The following FER variants were observed in gnomAD, a reference collection of about 807,000 sequenced individuals.
The protein encoded by FER is FER tyrosine kinase, also known as tyrosine-protein kinase Fer.
A neutral mutation model predicts 111.0 loss-of-function variants in FER; 63 were observed. The ratio of observed to expected loss-of-function variants is 0.57; its 90% CI spans 0.46 to 0.70. FER has a LOEUF of 0.70. FER is among the 30% of genes least tolerant of loss of function. The pLI is 0.00. For missense variants in FER, 914 were observed against 954.0 expected, an observed-to-expected ratio of 0.96 and a Z score of 0.55; for synonymous variants, 327 against 313.9, an observed-to-expected ratio of 1.04 and a Z score of -0.44.
rs1018854695 is a variant in FER, at chr5:108,924,456, C to T, written c.1237-21674C>T. 9.5e-6 allele frequency: 4 copies of T among 422,004 alleles called. No homozygotes were observed. The East Asian group carries it at 1.3e-4, about 14-fold the overall frequency. The allele number at this position is 422,004 out of a possible 1,614,324, so 26.1% of individuals were successfully genotyped here. A position where few individuals can be genotyped will look rare whatever the true frequency, so the allele number is the denominator to read the frequency against. Reference sequence around the variant, plus strand: ...GTACAAGGATTTTCCGTTTGTTGCTCGAAAACGCAACATTTGTTGGCTGTA... The same window carrying T: ...GTACAAGGATTTTCCGTTTGTTGCTTGAAAACGCAACATTTGTTGGCTGTA... On this transcript the variant is annotated intron_variant, in intron 10 of 19. Transcript: ENST00000281092.
At chr5:109,001,304 C>T (rs1165022831) in intron 13 of FER, among the ~76,000 whole-genome samples, 1 of 152,170 alleles carries the variant, frequency 6.6e-6, no homozygotes, top group Non-Finnish European at 1.5e-5. Flanking sequence ...TGGGCTTCTT[C>T]CCTGGGATGC....
chr5:108,816,614 A>T (rs1352222685), intron 3 of FER, among the ~76,000 whole-genome samples: 1 of 152,180 alleles, frequency 6.6e-6, no homozygotes, highest in African/African-American at 2.4e-5. Flanking sequence ...CCATTTGTCC[A>T]TAAGCCCTGT....
chr5:109,041,520 A>G (rs1174356641), intron 14 of FER, among the ~76,000 whole-genome samples: 3 of 152,114 alleles, frequency 2.0e-5, no homozygotes, highest in Non-Finnish European at 4.4e-5. Context: ...AATGAATGAG[A>G]TAGATGTTAT....
chr5:108,864,958 A>G (rs1463470068), intron 5 of FER, among the ~76,000 whole-genome samples: 3 of 151,880 alleles, frequency 2.0e-5, no homozygotes, highest in African/African-American at 7.3e-5. Flanking sequence ...CAGTATGGCC[A>G]TTTTCACGAT....
At chr5:109,091,335 T>C (rs1298725376) in intron 16 of FER, among the ~76,000 whole-genome samples, 2 of 152,190 alleles carry the variant, frequency 1.3e-5, no homozygotes, top group Non-Finnish European at 2.9e-5. Context: ...ACCCCAGATA[T>C]GGCTCCTGTG....
At chr5:108,755,188 A>T (rs1750947278) in intron 1 of FER, among the ~76,000 whole-genome samples, 1 of 152,214 alleles carries the variant, frequency 6.6e-6, no homozygotes, top group Non-Finnish European at 1.5e-5. Context: ...CAAGGTTCTT[A>T]TTCTTGCCCC....
chr5:109,058,724 CTTTTTTTTTTTTTTT>C (rs746184286), intron 16 of FER, among the ~76,000 whole-genome samples: 1 of 76,276 alleles, frequency 1.3e-5, no homozygotes, highest in Non-Finnish European at 2.4e-5. Context: ...TTCTTTCTTT[CTTTTTTTTTTTTTTT>C]TTTTTTTTTT....
At chr5:108,827,152 C>A (rs917632811) in intron 3 of FER, among the ~76,000 whole-genome samples, 5 of 152,092 alleles carry the variant, frequency 3.3e-5, no homozygotes, top group African/African-American at 1.2e-4. Flanking sequence ...GGGATTCCAA[C>A]AGGAAAGTGG....
chr5:108,822,953 C>A (rs188346110), intron 3 of FER, among the ~76,000 whole-genome samples: 1 of 151,974 alleles, frequency 6.6e-6, no homozygotes, highest in Non-Finnish European at 1.5e-5. Context: ...TCACTGCAGC[C>A]TCTGCCTCTT....
At chr5:108,752,286 C>A (rs1428824211) in intron 1 of FER, among the ~76,000 whole-genome samples, 1 of 151,908 alleles carries the variant, frequency 6.6e-6, no homozygotes, top group Admixed American at 6.6e-5. Context: ...AAATGCCTTA[C>A]AATCAATTCA....
At chr5:108,984,530 C>G (rs75089183) in intron 13 of FER, among the ~76,000 whole-genome samples, 10,583 of 150,552 alleles carry the variant, frequency 0.07, 455 homozygotes, top group South Asian at 0.13. Context: ...TTATCCCAAA[C>G]ATGATGTTGG....
chr5:109,073,137 T>A (rs924744053), intron 16 of FER, among the ~76,000 whole-genome samples: 1 of 152,130 alleles, frequency 6.6e-6, no homozygotes, highest in Admixed American at 6.6e-5. Flanking sequence ...TAGACATAAA[T>A]TTTGGGGGGA....
chr5:108,761,360 A>G (rs1193925302), intron 1 of FER, among the ~76,000 whole-genome samples: 1 of 152,142 alleles, frequency 6.6e-6, no homozygotes, highest in Non-Finnish European at 1.5e-5. Context: ...CTAATATCAA[A>G]TTGTTGTGTC....
Position 109,180,842 on chromosome 5 carries a change from C to T in FER, c.2144C>T (p.Ser715Leu), listed in dbSNP as rs752636638. The change falls in exon 18 of 20, where the codon TCA (serine) becomes TTA (leucine). Residue 715 changes from serine (S) to leucine (L), a missense_variant. Physicochemically the swap from Ser to Leu is moderately radical, Grantham distance 145. Around this residue, in one of 3 missense-constraint regions of FER, gnomAD observed 134 missense variants for 149.4 expected, o/e 0.90. Transcript: ENST00000281092. Reference sequence around the variant, plus strand: ...CGTCAAGAGGATGGTGGAGTGTATTCATCTTCTGGCTTAAAGCAGATTCCC... The same window carrying T: ...CGTCAAGAGGATGGTGGAGTGTATTTATCTTCTGGCTTAAAGCAGATTCCC... ...MSRQEDGGVY[S>L]SSGLKQIPIK... 6.2e-6 allele frequency: 10 copies of T among 1,613,562 alleles called. No individual in the cohort carries two copies. In the Admixed American group the frequency reaches 1.3e-4, roughly 22 times the overall value.
At chr5:109,118,738 G>A (rs1750589750) in intron 17 of FER, among the ~76,000 whole-genome samples, 1 of 151,964 alleles carries the variant, frequency 6.6e-6, no homozygotes, top group South Asian at 2.1e-4. Context: ...GTCTTGGAAG[G>A]GTGTATGTGT....
intron 17 of FER, among the ~76,000 whole-genome samples, chr5:109,134,238 T>G (rs1359769929): frequency 6.6e-6 from 1 of 152,110 alleles, no homozygotes; most frequent in Non-Finnish European, 1.5e-5. Flanking sequence ...TATGTAATAT[T>G]TTGTGACTTG....
chr5:108,960,597 G>T (rs1759019317), intron 13 of FER, among the ~76,000 whole-genome samples: 1 of 151,774 alleles, frequency 6.6e-6, no homozygotes, highest in Non-Finnish European at 1.5e-5. Context: ...ATCTGTAAAT[G>T]AATGCTGTTA....
rs1165602296 is a variant in FER at position 109,047,331 on chromosome 5, A to G, written c.1924+133A>G. On this transcript the variant is annotated intron_variant, in intron 16 of 19. Coordinates refer to ENST00000281092, the MANE Select transcript of FER (RefSeq NM_005246.4). ...GTTTAACATTTCCAGATAACAAAAGAGTCTGTACCTATAGTCAGTATTTTT... is the reference window on the plus strand; with the variant it reads ...GTTTAACATTTCCAGATAACAAAAGGGTCTGTACCTATAGTCAGTATTTTT... 8 of 572,668 alleles carry G rather than the reference A, an allele frequency of 1.4e-5. No individual in the cohort carries two copies. The Admixed American group carries it at 2.9e-4, about 21-fold the overall frequency. The allele number at this position is 572,668 out of a possible 1,614,324, so 35.5% of individuals were successfully genotyped here.
chr5:109,176,479 AG>A (rs1757703341), intron 17 of FER, among the ~76,000 whole-genome samples: 1 of 152,158 alleles, frequency 6.6e-6, no homozygotes, highest in South Asian at 2.1e-4. Flanking sequence ...GAGACTGGGA[AG>A]GGTAGAGAGG....
Sources: gnomAD v4.1 joint callset for allele counts (sites outside exome capture counted in the v4.1 genomes callset) on GRCh38, gnomAD v4.1.1 for gene constraint, gnomAD v4.1.1 regional missense constraint, MANE v1.5 for transcripts, NCBI Gene and HGNC (gene_info 2026-07-23, HGNC 2026-07-21) for gene names.